The following OGDHL variants were observed in gnomAD, a reference collection of about 807,000 sequenced individuals.
OGDHL encodes the protein oxoglutarate dehydrogenase L.
In OGDHL, 79 loss-of-function variants were observed where a neutral mutation model predicts 109.6. The observed-to-expected ratio is 0.72, with a 90% CI of 0.60 to 0.87. The LOEUF (loss-of-function observed/expected upper bound fraction) is 0.87. Among genes scored for constraint, OGDHL ranks in the 40% least tolerant of loss-of-function variants. OGDHL has a pLI of 0.00. For synonymous variants in OGDHL, 528 were observed against 537.2 expected (o/e 0.98, Z 0.24); for missense variants, 1,275 against 1,362.2 (o/e 0.94, Z 1.01).
At chr10:49,750,327 C>T (rs1196537886) in intron 7 of OGDHL, among the ~76,000 whole-genome samples, 1 of 152,310 alleles carries the variant, frequency 6.6e-6, no homozygotes, top group South Asian at 2.1e-4. Context: ...TCCCCACAGG[C>T]TCCAGCTCAG....
intron 3 of OGDHL, among the ~76,000 whole-genome samples, chr10:49,754,813 C>G (rs1385607216): frequency 6.6e-6 from 1 of 152,126 alleles, no homozygotes; most frequent in African/African-American, 2.4e-5. Flanking sequence ...TTGGGAAAAC[C>G]CTACAGGACA....
At chr10:49,758,736 T>A in intron 1 of OGDHL, 143 bp from the exon 2 acceptor site, 1 of 799,550 alleles carries the variant, frequency 1.3e-6, no homozygotes, top group South Asian at 1.7e-5. Flanking sequence ...ACTGGGAATG[T>A]GACACTCTCC....
intron 7 of OGDHL, 138 bp from the exon 8 acceptor site, chr10:49,749,954 C>T: frequency 1.5e-6 from 1 of 677,130 alleles, no homozygotes. Flanking sequence ...AATCACCAGG[C>T]ACCATCCTCT....
intron 3 of OGDHL, among the ~76,000 whole-genome samples, chr10:49,754,541 T>C (rs1842803208): frequency 6.6e-6 from 1 of 152,086 alleles, no homozygotes; most frequent in Non-Finnish European, 1.5e-5. Flanking sequence ...GGACTTCAGT[T>C]AATAAAGAAG....
In OGDHL at chr10:49,756,941, C is replaced by G; in HGVS notation, c.210G>C (p.Trp70Cys). 6.2e-7 allele frequency: 1 copy of G among 1,612,820 alleles called. No homozygotes were observed. The highest frequency in any genetic ancestry group is 8.5e-7 in the Non-Finnish European group (1 of 1,179,488). Residue 70 changes from tryptophan to cysteine, a missense_variant, in exon 3 of 23, where the codon TGG (tryptophan) becomes TGC (cysteine). Physicochemically the swap from Trp to Cys is radical, Grantham distance 215. Transcript: ENST00000374103. ...LENPQSVHKSWDSFFREASEE... is the reference protein window; with the variant it reads ...LENPQSVHKSCDSFFREASEE... ...CGCTGGCTTCCCTGAAGAAGCTGTC[C>G]CAGGACTAGGCAGGGCAGAAACAAG...
intron 5 of OGDHL, 58 bp downstream of exon 5, chr10:49,752,075 C>T: frequency 6.2e-7 from 1 of 1,609,020 alleles, no homozygotes; most frequent in South Asian, 1.1e-5. Context: ...CCTTCCCGTC[C>T]TCTGGCAAGC....
rs1272108764 is a variant in OGDHL, at chr10:49,752,701, T to C, written c.415A>G (p.Ile139Val). The C allele has an allele frequency of 1.9e-6, 3 of 1,614,160 alleles. No individual in the cohort carries two copies. In the South Asian group the frequency reaches 3.3e-5, roughly 18 times the overall value. The change falls in exon 4 of 23, where the codon ATT (isoleucine) becomes GTT (valine). Residue 139 changes from isoleucine to valine, a missense_variant. Transcript: ENST00000374103. Reference sequence around the variant, plus strand: ...AAGGAGTCCAGGTCTGCATCCAGAATGCCCAGGGGGTCCAGCTGGGCCACA... The same window carrying C: ...AAGGAGTCCAGGTCTGCATCCAGAACGCCCAGGGGGTCCAGCTGGGCCACA... Reference protein sequence around the residue: ...HHVAQLDPLGILDADLDSFVP... With the variant: ...HHVAQLDPLGVLDADLDSFVP...
intron 7 of OGDHL, among the ~76,000 whole-genome samples, chr10:49,750,591 A>G (rs541443597): frequency 6.6e-6 from 1 of 152,324 alleles, no homozygotes; most frequent in South Asian, 2.1e-4. Flanking sequence ...CTAGGGACAG[A>G]GGCAACATGG....
chr10:49,741,401 C>G (rs186055908), intron 15 of OGDHL, among the ~76,000 whole-genome samples: 55 of 152,160 alleles, frequency 3.6e-4, no homozygotes, highest in Admixed American at 2.1e-3. Context: ...TGGGCCCTGG[C>G]TGGAGCAAGA....
chr10:49,742,468 A>C (rs1590704029), intron 15 of OGDHL, among the ~76,000 whole-genome samples: 21 of 15,396 alleles, frequency 1.4e-3, no homozygotes, highest in South Asian at 4.2e-3. Flanking sequence ...CACCACACAC[A>C]CCCCCTATAC....
intron 11 of OGDHL, 116 bp downstream of exon 11, chr10:49,745,680 ATC>A: frequency 7.5e-7 from 1 of 1,334,958 alleles, no homozygotes; most frequent in Non-Finnish European, 1.0e-6. Context: ...GGTGGCATAA[ATC>A]TCTCATCCAA....
chr10:49,743,847 A>G (rs552732062), intron 14 of OGDHL, 147 bp downstream of exon 14: 3 of 945,446 alleles, frequency 3.2e-6, no homozygotes, highest in Admixed American at 2.8e-5. Context: ...ACGGGCACAG[A>G]CATGGTGCCG....
chr10:49,741,772 A>G (rs1841682907), intron 15 of OGDHL, among the ~76,000 whole-genome samples: 1 of 148,046 alleles, frequency 6.8e-6, no homozygotes. Flanking sequence ...CACCACATAC[A>G]CACACATCAC....
At chr10:49,746,483 C>G (rs1842193910) in intron 10 of OGDHL, among the ~76,000 whole-genome samples, 1 of 152,228 alleles carries the variant, frequency 6.6e-6, no homozygotes, top group Admixed American at 6.5e-5. Context: ...TCTAAGATTG[C>G]CCATGTGGGG....
Position 49,736,434 on chromosome 10 carries a change from T to C in OGDHL, c.2677A>G (p.Lys893Glu). ...QVQRLIFCTG[K>E]VYYDLVKERS... ...TCCTTCACCAGGTCATAGTACACCT[T>C]TCCCGTGCAGAAGATGAGCCGCTGC... Residue 893 changes from lysine (K) to glutamate (E), a missense_variant, in exon 21 of 23, where the codon AAG (lysine) becomes GAG (glutamate). Coordinates refer to ENST00000374103, the MANE Select transcript of OGDHL (RefSeq NM_018245.3). The C allele has an allele frequency of 6.2e-7, 1 of 1,614,080 alleles. No homozygotes were observed. Among genetic ancestry groups the C allele is most frequent in the East Asian group, 2.2e-5 (1 of 44,848 alleles).
At chr10:49,756,096 C>A (rs1433046731) in intron 3 of OGDHL, among the ~76,000 whole-genome samples, 2 of 152,254 alleles carry the variant, frequency 1.3e-5, no homozygotes, top group East Asian at 3.8e-4. Flanking sequence ...TTTGCTAATG[C>A]CCCCCTGTAC....
chr10:49,739,618 C>T (rs775824218), intron 17 of OGDHL, 43 bp downstream of exon 17: 43 of 1,596,312 alleles, frequency 2.7e-5, no homozygotes, highest in South Asian at 4.6e-5. Flanking sequence ...CTTCAAGGCC[C>T]GCCAGAACCC....
chr10:49,749,994 G>GC (rs1842475516), intron 7 of OGDHL, among the ~76,000 whole-genome samples, 178 bp from the exon 8 acceptor site: 1 of 152,138 alleles, frequency 6.6e-6, no homozygotes, highest in Non-Finnish European at 1.5e-5. Context: ...GAGGCTTAAA[G>GC]CCCCATGCTT....
At chr10:49,752,803 A>G in intron 3 of OGDHL, 63 bp from the exon 4 acceptor site, 2 of 1,185,240 alleles carry the variant, frequency 1.7e-6, no homozygotes, top group Non-Finnish European at 2.5e-6. Context: ...CCTCCAGGGT[A>G]AGGCTCTGGG....
Sources: allele counts gnomAD v4.1 joint callset (sites outside exome capture counted in the v4.1 genomes callset), GRCh38; gene constraint gnomAD v4.1.1; transcripts MANE v1.5; gene names NCBI Gene and HGNC (gene_info 2026-07-23, HGNC 2026-07-21).